IQCE: variants seen among roughly 807,000 people sequenced by gnomAD.
The protein encoded by IQCE is IQ motif containing E.
IQCE carries 115 observed loss-of-function variants against 96.0 expected under a neutral mutation model. The observed-to-expected ratio is 1.20, with a 90% confidence interval of 1.03 to 1.40. IQCE has a LOEUF of 1.40. Among genes scored for constraint, IQCE ranks in the 40% most tolerant of loss-of-function variants. The pLI, the probability that IQCE is intolerant of heterozygous loss-of-function variation, is 0.00. For missense variants in IQCE, 1,041 were observed against 909.1 expected (o/e 1.15, Z -1.87); for synonymous variants, 412 against 371.2 (o/e 1.11, Z -1.26).
At chr7:2,598,866 G>T in intron 17 of IQCE, 1 of 393,102 alleles carries the variant, frequency 2.5e-6, no homozygotes, top group Non-Finnish European at 4.5e-6. Flanking sequence ...TTTTCTTCCA[G>T]AACTATTCGA....
At chr7:2,610,008 G>A (rs542823543) in intron 21 of IQCE, 36 bp from the exon 22 acceptor site, 16 of 1,193,662 alleles carry the variant, frequency 1.3e-5, no homozygotes, top group Admixed American at 5.1e-5. Context: ...TGAGGTCAGC[G>A]TGGCTGACCC....
At chr7:2,587,781 C>T (rs776737772) in intron 12 of IQCE, 41 bp from the exon 13 acceptor site, 6 of 1,598,984 alleles carry the variant, frequency 3.8e-6, no homozygotes, top group Non-Finnish European at 4.3e-6. Flanking sequence ...GCTGGCAGTG[C>T]CCACCAGGAT....
At chr7:2,607,547 GTTA>G in intron 21 of IQCE, 1 of 1,268,166 alleles carries the variant, frequency 7.9e-7, no homozygotes, top group Non-Finnish European at 9.9e-7. Context: ...GTAAAACCGT[GTTA>G]TTGTTTCCTT....
intron 16 of IQCE, among the ~76,000 whole-genome samples, chr7:2,596,399 ATTTT>A (rs3074415): frequency 6.9e-4 from 95 of 138,470 alleles, no homozygotes; most frequent in East Asian, 1.2e-3. Flanking sequence ...GGTTATAAGC[ATTTT>A]TTTTTTTTTT....
In IQCE at chr7:2,586,380, C is replaced by T; in HGVS notation, c.988+9C>T. On this transcript the variant is annotated intron_variant, in intron 12 of 21. Coordinates refer to ENST00000402050, the MANE Select transcript of IQCE (RefSeq NM_152558.5). ...CATCTCCAAGACACAGGGTACCTTC[C>T]TGAAAGCCACTCCAGGAGGGAGGCC... The T allele has an allele frequency of 3.7e-6, 6 of 1,600,690 alleles. No homozygotes were observed. The highest frequency in any genetic ancestry group is 5.1e-6 in the Non-Finnish European group (6 of 1,176,646).
intron 11 of IQCE, among the ~76,000 whole-genome samples, chr7:2,585,925 C>T (rs1181884661): frequency 6.6e-6 from 1 of 152,170 alleles, no homozygotes; most frequent in Non-Finnish European, 1.5e-5. Context: ...TTTCCACAGC[C>T]CTTCTAGTGA....
intron 15 of IQCE, among the ~76,000 whole-genome samples, chr7:2,594,016 C>G (rs895548950): frequency 6.6e-6 from 1 of 151,900 alleles, no homozygotes; most frequent in Non-Finnish European, 1.5e-5. Context: ...AATCGCAGCA[C>G]TTTGGGAGGC....
rs34986698 is a variant in IQCE, at chr7:2,581,710, T to TC, written c.631-869dup. ...TTGTCTATTTAGAAGAAAAGAATGT[T>TC]CTTTTTTTTTTTTTTTTGAGATGGA... On this transcript the variant is annotated intron_variant, in intron 8 of 21. Coordinates refer to ENST00000402050, the MANE Select transcript of IQCE (RefSeq NM_152558.5). Among the ~76,000 whole-genome samples, 72 of 124,944 alleles carry TC rather than the reference T, an allele frequency of 5.8e-4. 1 individual carries two copies. Among genetic ancestry groups the TC allele is most frequent in the South Asian group, 2.5e-3 (9 of 3,650 alleles). 82.0% of individuals were successfully genotyped at this position (124,944 alleles called of 152,430 possible).
At chr7:2,600,093 CT>C (rs939843547) in intron 17 of IQCE, among the ~76,000 whole-genome samples, 18 of 147,512 alleles carry the variant, frequency 1.2e-4, no homozygotes, top group Non-Finnish European at 1.5e-4. Flanking sequence ...TGTGCCTGGC[CT>C]TTTTTTTTTT....
rs867848730 is a variant in IQCE, at chr7:2,594,785, C to G, written c.1350-101C>G. On this transcript the variant is annotated intron_variant, in intron 15 of 21. Transcript: ENST00000402050. ...CAGCTCTCTACAGGCTGCCTGGTGT[C>G]CCCCTGTCTCCGCCTGGACCGCCCG... The G allele has an allele frequency of 5.0e-6, 4 of 806,574 alleles. No homozygotes were observed. In the African/African-American group the frequency reaches 6.7e-5, roughly 14 times the overall value. 50.0% of individuals were successfully genotyped at this position (806,574 alleles called of 1,614,324 possible). A position where few individuals can be genotyped will look rare whatever the true frequency, so the allele number is the denominator to read the frequency against.
chr7:2,559,109 G>T lies in IQCE; in HGVS notation c.-73G>T. On this transcript the variant is annotated 5_prime_UTR_variant, in exon 1 of 22. Coordinates refer to ENST00000402050, the MANE Select transcript of IQCE (RefSeq NM_152558.5). ...AGGCCCCGAGGCTGCGGGCGGCCAG[G>T]GCTGCCCGCGGATTCCCAGACCCGG... is the stretch of plus-strand genomic sequence containing the variant. 1 of 1,015,536 alleles carries T rather than the reference G, an allele frequency of 9.8e-7. No individual in the cohort carries two copies. The highest frequency in any genetic ancestry group is 1.3e-6 in the Non-Finnish European group (1 of 798,154). 62.9% of individuals were successfully genotyped at this position (1,015,536 alleles called of 1,614,324 possible). A position where few individuals can be genotyped will look rare whatever the true frequency, so the allele number is the denominator to read the frequency against.
At chr7:2,589,042 G>C (rs189579262) in intron 13 of IQCE, among the ~76,000 whole-genome samples, 271 of 152,154 alleles carry the variant, frequency 1.8e-3, no homozygotes, top group Non-Finnish European at 3.4e-3. Context: ...AGGGAAAAAC[G>C]TTTTTAAAAA....
At chr7:2,595,795 G>A (rs1465303165) in intron 16 of IQCE, among the ~76,000 whole-genome samples, 2 of 150,844 alleles carry the variant, frequency 1.3e-5, no homozygotes, top group Non-Finnish European at 3.0e-5. Context: ...TTGCCTTCCT[G>A]GAGGGTCGCA....
At position 2,590,045 on chromosome 7, in the gene IQCE, G is replaced by A. The variant is rs760964507; in HGVS notation, c.1183G>A (p.Gly395Arg). 1 of 1,613,660 alleles carries A rather than the reference G, an allele frequency of 6.2e-7. No homozygotes were observed. Among genetic ancestry groups the A allele is most frequent in the South Asian group, 1.1e-5 (1 of 91,084 alleles). ...DRNKDHERLRGAVRDLKEERT... is the reference protein window; with the variant it reads ...DRNKDHERLRRAVRDLKEERT... ...CAACAAGGACCACGAGCGTCTCCGA[G>A]GGGCTGTGAGAGACCTGAAGGAAGA... The change falls in exon 14 of 22, where the codon GGG (glycine) becomes AGG (arginine). Residue 395 changes from glycine (G) to arginine (R), a missense_variant. Gly to Arg is a moderately radical substitution (Grantham distance 125). Transcript: ENST00000402050.
At chr7:2,598,161 T>C in intron 16 of IQCE, 1 of 290,574 alleles carries the variant, frequency 3.4e-6, no homozygotes, top group Non-Finnish European at 6.4e-6. Flanking sequence ...GTAGTGAGTG[T>C]GTGACGGCCG....
In IQCE at chr7:2,610,599, C is replaced by T; in HGVS notation, c.*437C>T. 5.5e-6 allele frequency: 1 copy of T among 182,510 alleles called. No individual in the cohort carries two copies. The highest frequency in any genetic ancestry group is 1.2e-5 in the Non-Finnish European group (1 of 86,478). 11.3% of individuals were successfully genotyped at this position (182,510 alleles called of 1,614,324 possible). On this transcript the variant is annotated 3_prime_UTR_variant, in exon 22 of 22. Coordinates refer to ENST00000402050, the MANE Select transcript of IQCE (RefSeq NM_152558.5). The stretch of plus-strand genomic sequence containing the variant: ...AACCAGGATTTGCTCGATCTCAGCC[C>T]AGCAGGCCAGGCAGACACACCCCGC...
rs868446892 is a variant in IQCE, at chr7:2,577,853, G to A, written c.466-389G>A. Among the ~76,000 whole-genome samples, 250 of 139,104 alleles carry A rather than the reference G, an allele frequency of 1.8e-3. 1 individual carries two copies. The highest frequency in any genetic ancestry group is 6.2e-3 in the African/African-American group (226 of 36,240). The allele number at this position is 139,104 out of a possible 152,430, so 91.3% of individuals were successfully genotyped here. On this transcript the variant is annotated intron_variant, in intron 6 of 21. Coordinates refer to ENST00000402050, the MANE Select transcript of IQCE (RefSeq NM_152558.5). ...GTGCGGCGTGCGCGCATTGGCGTGT[G>A]CGTGGCTGTGCGCGCGGGGACGTGT...
rs1178305685 is a variant in IQCE at position 2,596,767 on chromosome 7, A to G, written c.1441-1698A>G. 1.2e-5 allele frequency: 4 copies of G among 340,630 alleles called. 1 individual carries two copies. The highest frequency in any genetic ancestry group is 6.9e-5 in the South Asian group (3 of 43,370). 21.1% of individuals were successfully genotyped at this position (340,630 alleles called of 1,614,324 possible). On this transcript the variant is annotated intron_variant, in intron 16 of 21. Coordinates refer to ENST00000402050, the MANE Select transcript of IQCE (RefSeq NM_152558.5). Reference sequence around the variant, plus strand: ...GGCACAGGCCGCGGACTAACAGATGATCTCACTTTAGCGGAACAGAGGCCT... The same window carrying G: ...GGCACAGGCCGCGGACTAACAGATGGTCTCACTTTAGCGGAACAGAGGCCT...
intron 6 of IQCE, among the ~76,000 whole-genome samples, chr7:2,574,982 T>C (rs890058284): frequency 6.6e-6 from 1 of 152,258 alleles, no homozygotes; most frequent in South Asian, 2.1e-4. Context: ...TTCACTTGTT[T>C]CAAGCGTGCC....
Sources: gnomAD v4.1 joint callset for allele counts (sites outside exome capture counted in the v4.1 genomes callset) on GRCh38, gnomAD v4.1.1 for gene constraint, MANE v1.5 for transcripts, NCBI Gene and HGNC (gene_info 2026-07-23, HGNC 2026-07-21) for gene names.